CNTNAP2: variants seen among roughly 807,000 people sequenced by gnomAD.
CNTNAP2 encodes contactin-associated protein-like 2.
A neutral mutation model predicts 155.2 loss-of-function variants in CNTNAP2; 98 were observed. The ratio of observed to expected loss-of-function variants is 0.63; its 90% CI spans 0.54 to 0.75. The LOEUF (loss-of-function observed/expected upper bound fraction) is 0.75. Ranked by LOEUF, CNTNAP2 falls within the 30% of genes least tolerant of loss-of-function variation. CNTNAP2 has a pLI of 0.00. For missense variants in CNTNAP2, 1,727 were observed against 1,688.1 expected, an observed-to-expected ratio of 1.02 and a Z score of -0.40; for synonymous variants, 651 against 631.2, an observed-to-expected ratio of 1.03 and a Z score of -0.47.
At chr7:146,291,144 C>A (rs1800422423) in intron 1 of CNTNAP2, among the ~76,000 whole-genome samples, 1 of 151,928 alleles carries the variant, frequency 6.6e-6, no homozygotes, top group African/African-American at 2.4e-5. Flanking sequence ...GACAATAAAT[C>A]CTTAAGATTT....
Position 147,826,414 on chromosome 7 carries a change from C to T in CNTNAP2, c.2099-77151C>T, listed in dbSNP as rs202094650. Among the ~76,000 whole-genome samples, 10 of 152,224 alleles carry T rather than the reference C, an allele frequency of 6.6e-5. No homozygotes were observed. In the East Asian group the frequency reaches 1.7e-3, roughly 26 times the overall value. On this transcript the variant is annotated intron_variant, in intron 13 of 23. Coordinates refer to ENST00000361727, the MANE Select transcript of CNTNAP2 (RefSeq NM_014141.6). ...TCCCAGAATTCTATGTCCTATTTGA[C>T]ATTAGTTTGACTTAAAGATTGGCTT...
At chr7:146,211,781 A>G (rs573483925) in intron 1 of CNTNAP2, among the ~76,000 whole-genome samples, 69 of 152,276 alleles carry the variant, frequency 4.5e-4, no homozygotes, top group African/African-American at 1.6e-3. Context: ...TTATTTATTC[A>G]ACATTAACAG....
rs1181654324 is a variant in CNTNAP2 at position 147,904,871 on chromosome 7, T to G, written c.2255+1150T>G. Among the ~76,000 whole-genome samples, 8 of 149,526 alleles carry G rather than the reference T, an allele frequency of 5.4e-5. No individual in the cohort carries two copies. The East Asian group carries it at 1.6e-3, about 29-fold the overall frequency. On this transcript the variant is annotated intron_variant, in intron 14 of 23. Coordinates refer to ENST00000361727, the MANE Select transcript of CNTNAP2 (RefSeq NM_014141.6). The stretch of plus-strand genomic sequence containing the variant: ...TTGTAAAGAAGAGATCATGATAATT[T>G]TTAATTTTATTTCTTTGAAAGATGT...
chr7:148,318,715 T>TA lies in CNTNAP2; in HGVS notation c.3475+51590dup, dbSNP rs746534533. Among the ~76,000 whole-genome samples, 29 of 152,188 alleles carry TA rather than the reference T, an allele frequency of 1.9e-4. 1 individual carries two copies. Among genetic ancestry groups the TA allele is most frequent in the Admixed American group, 1.7e-3 (26 of 15,278 alleles). ...GAGTTTCGTGGTCCGAATGGATAAT[T>TA]ACATATTTCCCTCCATTAGGAGCTA... On this transcript the variant is annotated intron_variant, in intron 21 of 23. Transcript: ENST00000361727.
chr7:146,228,181 G>A (rs1799326568), intron 1 of CNTNAP2, among the ~76,000 whole-genome samples: 4 of 152,148 alleles, frequency 2.6e-5, no homozygotes, highest in African/African-American at 9.7e-5. Context: ...AGCGATATTT[G>A]GGGATAAGTG....
intron 1 of CNTNAP2, among the ~76,000 whole-genome samples, chr7:146,556,996 T>C (rs1365988081): frequency 6.6e-6 from 1 of 152,084 alleles, no homozygotes; most frequent in Non-Finnish European, 1.5e-5. Flanking sequence ...TTTAAAGTTG[T>C]ACATATATTA....
intron 16 of CNTNAP2, among the ~76,000 whole-genome samples, chr7:148,144,054 C>T (rs754527348): frequency 2.0e-5 from 3 of 152,260 alleles, no homozygotes; most frequent in Non-Finnish European, 4.4e-5. Context: ...GGGCAAAATC[C>T]GGTTAGCTCA....
At chr7:147,989,403 A>G (rs1207478592) in intron 15 of CNTNAP2, among the ~76,000 whole-genome samples, 1 of 152,206 alleles carries the variant, frequency 6.6e-6, no homozygotes, top group African/African-American at 2.4e-5. Flanking sequence ...AATAATTGTA[A>G]CATCACTGAG....
At chr7:147,826,305 T>A (rs565958838) in intron 13 of CNTNAP2, among the ~76,000 whole-genome samples, 2 of 152,360 alleles carry the variant, frequency 1.3e-5, no homozygotes, top group East Asian at 3.9e-4. Flanking sequence ...GTTCAATGAA[T>A]ACTTAAAATT....
chr7:147,388,560 C>T (rs954617706), intron 9 of CNTNAP2, among the ~76,000 whole-genome samples: 2 of 151,488 alleles, frequency 1.3e-5, no homozygotes, highest in Non-Finnish European at 2.9e-5. Flanking sequence ...AATGCAAACC[C>T]ACTGGGTTCA....
At chr7:147,064,049 A>G (rs999441498) in intron 4 of CNTNAP2, among the ~76,000 whole-genome samples, 1 of 152,170 alleles carries the variant, frequency 6.6e-6, no homozygotes, top group Admixed American at 6.6e-5. Context: ...ATGTTAGTTA[A>G]TAGCACTGTT....
intron 21 of CNTNAP2, among the ~76,000 whole-genome samples, chr7:148,331,782 A>ATGGAATGGACG (rs1798029494): frequency 1.4e-4 from 2 of 13,950 alleles, no homozygotes; most frequent in African/African-American, 3.7e-4. Context: ...TGGAATGGAC[A>ATGGAATGGACG]GATGGAGTGG....
intron 3 of CNTNAP2, among the ~76,000 whole-genome samples, chr7:146,842,029 T>A (rs1373863098): frequency 7.4e-6 from 1 of 135,166 alleles, no homozygotes; most frequent in East Asian, 2.2e-4. Flanking sequence ...ATTGCAGGCA[T>A]CCACCACCAT....
chr7:146,975,524 C>T (rs1425885807), intron 3 of CNTNAP2, among the ~76,000 whole-genome samples: 3 of 152,070 alleles, frequency 2.0e-5, no homozygotes, highest in Non-Finnish European at 4.4e-5. Flanking sequence ...GCGTAATCCA[C>T]ATCACTGCTG....
At chr7:147,171,913 G>A (rs1214231093) in intron 8 of CNTNAP2, among the ~76,000 whole-genome samples, 1 of 151,748 alleles carries the variant, frequency 6.6e-6, no homozygotes, top group Non-Finnish European at 1.5e-5. Context: ...AAAAAAACGA[G>A]AATACCTGCA....
At chr7:147,561,346 G>A (rs1800061118) in intron 11 of CNTNAP2, among the ~76,000 whole-genome samples, 2 of 152,060 alleles carry the variant, frequency 1.3e-5, no homozygotes, top group South Asian at 4.1e-4. Context: ...TAATTCCTGG[G>A]CAGAGCTGTT....
intron 1 of CNTNAP2, among the ~76,000 whole-genome samples, chr7:146,550,422 T>TTTTTA (rs1798103636): frequency 7.0e-6 from 1 of 141,928 alleles, no homozygotes; most frequent in South Asian, 2.2e-4. Flanking sequence ...TTTTTTTTTT[T>TTTTTA]TTTTTTTATA....
intron 8 of CNTNAP2, among the ~76,000 whole-genome samples, chr7:147,206,366 A>G (rs1230100529): frequency 6.6e-6 from 1 of 151,878 alleles, no homozygotes; most frequent in Non-Finnish European, 1.5e-5. Flanking sequence ...GGAGTTCAAG[A>G]CCAGCCTGGG....
chr7:146,750,798 T>G (rs2129182465), intron 1 of CNTNAP2, among the ~76,000 whole-genome samples: 1 of 152,284 alleles, frequency 6.6e-6, no homozygotes, highest in African/African-American at 2.4e-5. Flanking sequence ...CTATATGGCT[T>G]ACTAAATATA....
Sources: allele counts gnomAD v4.1 joint callset (sites outside exome capture counted in the v4.1 genomes callset), GRCh38; gene constraint gnomAD v4.1.1; transcripts MANE v1.5; gene names NCBI Gene and HGNC (gene_info 2026-07-23, HGNC 2026-07-21).